The following ZDHHC23 variants were observed in gnomAD, a reference collection of about 807,000 sequenced individuals.
The protein encoded by ZDHHC23 is zDHHC palmitoyltransferase 23.
ZDHHC23 carries 41 observed loss-of-function variants against 40.2 expected under a neutral mutation model. The observed-to-expected ratio is 1.02, with a 90% CI of 0.79 to 1.32. The LOEUF is 1.32. ZDHHC23 is among the 40% of genes most tolerant of loss of function. ZDHHC23 has a pLI of 0.00. For missense variants in ZDHHC23, 471 were observed against 541.5 expected, an observed-to-expected ratio of 0.87 and a Z score of 1.29; for synonymous variants, 204 against 210.2, an observed-to-expected ratio of 0.97 and a Z score of 0.26.
At chr3:113,948,302 T>G (rs1334564921) in intron 1 of ZDHHC23, 112 bp downstream of exon 1, 1 of 154,346 alleles carries the variant, frequency 6.5e-6, no homozygotes, top group Non-Finnish European at 1.4e-5. Flanking sequence ...CCCGACCAGT[T>G]GGGCTGGACC....
chr3:113,948,605 C>T, intron 1 of ZDHHC23, 81 bp from the exon 2 acceptor site: 1 of 587,280 alleles, frequency 1.7e-6, no homozygotes, highest in Non-Finnish European at 2.9e-6. Context: ...CTGGAGCCCC[C>T]TGTGTGGCCA....
At chr3:113,957,860 A>G (rs766503905) in intron 4 of ZDHHC23, 14 of 515,650 alleles carry the variant, frequency 2.7e-5, no homozygotes, top group Non-Finnish European at 5.4e-5. Context: ...AGGTAAGCAC[A>G]GGGCTGCTGG....
chr3:113,953,445 T>A (rs1396586289), intron 2 of ZDHHC23, among the ~76,000 whole-genome samples: 1 of 152,246 alleles, frequency 6.6e-6, no homozygotes, highest in Non-Finnish European at 1.5e-5. Flanking sequence ...ATGTAAACAT[T>A]ACTTGCAGCA....
At chr3:113,957,494 C>G (rs763545318) in intron 4 of ZDHHC23, 21 of 359,442 alleles carry the variant, frequency 5.8e-5, no homozygotes, top group South Asian at 4.2e-4. Flanking sequence ...AGGTGAGGCC[C>G]GTCCTGAAGC....
chr3:113,975,869 T>C, the ZDHHC23 span, among the ~76,000 whole-genome samples: 17 of 152,214 alleles, frequency 1.1e-4, no homozygotes, highest in Non-Finnish European at 1.8e-4. Flanking sequence ...CAAGTAGACA[T>C]TGGCTGAGAA....
Position 113,963,155 on chromosome 3 carries a change from T to A in ZDHHC23, c.*4525T>A, listed in dbSNP as rs1939812086. ...CTCCAGTTTTGTGGGTCAGGGATAC[T>A]GCTTGTTGGGGCATTATGTTAACAG... On this transcript the variant is annotated 3_prime_UTR_variant, in exon 5 of 5. Coordinates refer to ENST00000638807, the MANE Select transcript of ZDHHC23 (RefSeq NM_001320466.2). 6.6e-6 allele frequency: 1 copy of A among 152,154 alleles called. No homozygotes were observed. Among genetic ancestry groups the A allele is most frequent in the Non-Finnish European group, 1.5e-5 (1 of 68,042 alleles). The allele number at this position is 152,154 out of a possible 1,614,324, so 9.4% of individuals were successfully genotyped here.
At chr3:113,951,951 G>A (rs6804894) in intron 2 of ZDHHC23, among the ~76,000 whole-genome samples, 78,651 of 151,900 alleles carry the variant, frequency 0.52, 20,579 homozygotes, top group East Asian at 0.63. Flanking sequence ...CAGCCTGAAC[G>A]ACATGGAGAA....
Position 113,960,416 on chromosome 3 carries a change from A to T in ZDHHC23, c.*1786A>T. ...ATCTAGAATTAAAGTTGGATTTGAT[A>T]TAACAAATTTCTTTCTATACAGGTT... On this transcript the variant is annotated 3_prime_UTR_variant, in exon 5 of 5. Coordinates refer to ENST00000638807, the MANE Select transcript of ZDHHC23 (RefSeq NM_001320466.2). 7.9e-7 allele frequency: 1 copy of T among 1,272,336 alleles called. No homozygotes were observed. The highest frequency in any genetic ancestry group is 9.9e-7 in the Non-Finnish European group (1 of 1,010,970). The allele number at this position is 1,272,336 out of a possible 1,614,324, so 78.8% of individuals were successfully genotyped here.
chr3:113,952,355 T>G (rs1938756523), intron 2 of ZDHHC23, among the ~76,000 whole-genome samples: 1 of 152,188 alleles, frequency 6.6e-6, no homozygotes, highest in Non-Finnish European at 1.5e-5. Context: ...CAATAACATG[T>G]TTGTCACTTC....
rs1559852976 is a variant in ZDHHC23, at chr3:113,960,328, G to T, written c.*1698G>T. ...ACGAATGATAGGCTCTGTGCCTGGG[G>T]ATGTTAGCAGACTCTGGGGTTTGTA... On this transcript the variant is annotated 3_prime_UTR_variant, in exon 5 of 5. Transcript: ENST00000638807. 1 of 1,062,772 alleles carries T rather than the reference G, an allele frequency of 9.4e-7. No individual in the cohort carries two copies. 65.8% of individuals were successfully genotyped at this position (1,062,772 alleles called of 1,614,324 possible).
rs180767048 is a variant in ZDHHC23 at position 113,960,912 on chromosome 3, C to A, written c.*2282C>A. 31 of 918,298 alleles carry A rather than the reference C, an allele frequency of 3.4e-5. No homozygotes were observed. In the Admixed American group the frequency reaches 8.7e-4, roughly 26 times the overall value. 56.9% of individuals were successfully genotyped at this position (918,298 alleles called of 1,614,324 possible). On this transcript the variant is annotated 3_prime_UTR_variant, in exon 5 of 5. Transcript: ENST00000638807. ...GAAAAGCCTTCCCAGGCGTCTGTAC[C>A]GAAAGGAGCAGCAAACAAGGGGCTA...
chr3:113,952,212 G>C (rs1938742601), intron 2 of ZDHHC23, among the ~76,000 whole-genome samples: 1 of 151,974 alleles, frequency 6.6e-6, no homozygotes, highest in East Asian at 1.9e-4. Context: ...TGAACACTTT[G>C]CTTAGAGATT....
rs538066937 is a variant in ZDHHC23, at chr3:113,956,575, T to G, written c.1040+69T>G. 2.7e-6 allele frequency: 4 copies of G among 1,476,734 alleles called. No individual in the cohort carries two copies. In the East Asian group the frequency reaches 9.2e-5, roughly 34 times the overall value. The allele number at this position is 1,476,734 out of a possible 1,614,324, so 91.5% of individuals were successfully genotyped here. On this transcript the variant is annotated intron_variant, in intron 4 of 4. Coordinates refer to ENST00000638807, the MANE Select transcript of ZDHHC23 (RefSeq NM_001320466.2). ...TGGGTGTTGCCATTGACAGGGACTA[T>G]TACTACTTGGTTAGGAGTTCTCAAT... is the stretch of plus-strand genomic sequence containing the variant.
At chr3:113,963,574 CAAAAAAAA>C (rs10526433), downstream of ZDHHC23, among the ~76,000 whole-genome samples, 7 of 50,770 alleles carry the variant, frequency 1.4e-4, no homozygotes, top group African/African-American at 2.6e-4. Flanking sequence ...CCATCTCTAC[CAAAAAAAA>C]AAAAAAAAAA....
At chr3:113,955,501 A>G (rs1174728570) in intron 3 of ZDHHC23, among the ~76,000 whole-genome samples, 1 of 152,098 alleles carries the variant, frequency 6.6e-6, no homozygotes, top group Non-Finnish European at 1.5e-5. Context: ...CTCCCTCTAC[A>G]TTCTGCCCCA....
downstream of ZDHHC23, among the ~76,000 whole-genome samples, chr3:113,968,497 G>A (rs1268582295): frequency 6.6e-6 from 1 of 151,654 alleles, no homozygotes; most frequent in Non-Finnish European, 1.5e-5. Flanking sequence ...CGCCCAGGCT[G>A]GACTGTAGCA....
the ZDHHC23 span, among the ~76,000 whole-genome samples, chr3:113,975,685 T>C: frequency 3.3e-5 from 5 of 152,092 alleles, no homozygotes; most frequent in Admixed American, 1.3e-4. Context: ...GTAGGGTGGT[T>C]AGGGAGGTGA....
Position 113,953,820 on chromosome 3 carries a change from T to A in ZDHHC23, c.282T>A (p.Pro94=), listed in dbSNP as rs1344784149. 9.3e-6 allele frequency: 15 copies of A among 1,614,194 alleles called. No homozygotes were observed. The South Asian group carries it at 1.5e-4, about 17-fold the overall frequency. ...AAAAAGTGAACATCAGCATCATCCC[T>A]CCGCTTGTCCTGCTGCCTGTCTTCC... ...GAKKVNISII[P]PLVLLPVFLH... is the part of the protein sequence containing the mutation. Residue 94 remains proline, a synonymous_variant, in exon 3 of 5, where the codon CCT becomes CCA. Transcript: ENST00000638807.
rs1311647140 is a variant in ZDHHC23 at position 113,948,681 on chromosome 3, C to T, written c.-117-5C>T. The stretch of plus-strand genomic sequence containing the variant: ...CCCTCTCTCTTCTCATTTTTGATTG[C>T]TCAGGCGTTGGAGGTTAAGCAGAGA... On this transcript the variant is annotated splice_region_variant and splice_polypyrimidine_tract_variant and intron_variant, in intron 1 of 4. Transcript: ENST00000638807. The T allele has an allele frequency of 4.2e-6, 5 of 1,185,090 alleles. No individual in the cohort carries two copies. In the South Asian group the frequency reaches 6.1e-5, roughly 14 times the overall value. 73.4% of individuals were successfully genotyped at this position (1,185,090 alleles called of 1,614,324 possible).
Sources: gnomAD v4.1 joint callset for allele counts (sites outside exome capture counted in the v4.1 genomes callset) on GRCh38, gnomAD v4.1.1 for gene constraint, MANE v1.5 for transcripts, NCBI Gene and HGNC (gene_info 2026-07-23, HGNC 2026-07-21) for gene names.